The following PIWIL4 variants were observed in gnomAD, a reference collection of about 807,000 sequenced individuals.
The protein encoded by PIWIL4 is piwi like RNA-mediated gene silencing 4, also known as piwi-like protein 4.
PIWIL4 carries 50 observed loss-of-function variants against 100.9 expected under a neutral mutation model. The ratio of observed to expected loss-of-function variants is 0.50; its 90% CI spans 0.39 to 0.63. PIWIL4 has a LOEUF of 0.63. Ranked by LOEUF, PIWIL4 falls within the 20% of genes least tolerant of loss-of-function variation. The pLI, the probability that PIWIL4 is intolerant of heterozygous loss-of-function variation, is 0.00. For missense variants in PIWIL4, 887 were observed against 1,043.3 expected (o/e 0.85, Z 2.06); for synonymous variants, 342 against 367.5 (o/e 0.93, Z 0.79).
chr11:94,605,329 A>G (rs185981994), intron 13 of PIWIL4, among the ~76,000 whole-genome samples: 4 of 152,326 alleles, frequency 2.6e-5, no homozygotes, highest in Admixed American at 6.5e-5. Context: ...AATTTTGAAG[A>G]GTACAGACTA....
chr11:94,617,324 C>T (rs560462756), intron 16 of PIWIL4, among the ~76,000 whole-genome samples: 2 of 150,826 alleles, frequency 1.3e-5, no homozygotes, highest in South Asian at 2.1e-4. Context: ...CCCCTCACAT[C>T]GAAACCTGGT....
Position 94,586,645 on chromosome 11 carries a change from T to TC in PIWIL4, c.717-397dup, listed in dbSNP as rs201885845. Among the ~76,000 whole-genome samples, 476 of 151,734 alleles carry TC rather than the reference T, an allele frequency of 3.1e-3. 2 individuals are homozygous for TC. The highest frequency in any genetic ancestry group is 0.011 in the African/African-American group (445 of 41,282). ...GTTACGGTTTTCAGGCAGGGACATT[T>TC]CCCCCCCCTCTTCAGGGAACATTTT... is the stretch of plus-strand genomic sequence containing the variant. On this transcript the variant is annotated intron_variant, in intron 6 of 19. Transcript: ENST00000299001.
intron 11 of PIWIL4, among the ~76,000 whole-genome samples, chr11:94,601,050 G>A (rs1255248228): frequency 2.7e-5 from 4 of 150,416 alleles, no homozygotes; most frequent in Non-Finnish European, 5.9e-5. Flanking sequence ...TTATCACAAG[G>A]TCCTGAGGCG....
At chr11:94,578,021 C>T (rs145385969) in intron 4 of PIWIL4, among the ~76,000 whole-genome samples, 29 of 152,202 alleles carry the variant, frequency 1.9e-4, no homozygotes, top group African/African-American at 6.5e-4. Flanking sequence ...TCATAATAAG[C>T]GGATGTTACC....
intron 13 of PIWIL4, among the ~76,000 whole-genome samples, chr11:94,607,214 G>A (rs897902831): frequency 4.6e-5 from 7 of 152,166 alleles, no homozygotes; most frequent in Admixed American, 1.3e-4. Context: ...AGTGGGTGGG[G>A]CTTTGCAGAG....
Position 94,618,046 on chromosome 11 carries a change from C to T in PIWIL4, c.2107C>T (p.Leu703Phe). The change falls in exon 17 of 20, where the codon CTT (leucine) becomes TTT (phenylalanine). Residue 703 changes from leucine (L) to phenylalanine (F), a missense_variant. Transcript: ENST00000299001. ...AGVGDGQLKT[L>F]IEYEVPQLLS... ...TGTAGGGGATGGTCAGCTGAAAACACTTATTGAATATGAAGTCCCACAGCT... is the reference window on the plus strand; with the variant it reads ...TGTAGGGGATGGTCAGCTGAAAACATTTATTGAATATGAAGTCCCACAGCT... The T allele has an allele frequency of 6.2e-7, 1 of 1,606,284 alleles. No homozygotes were observed. Among genetic ancestry groups the T allele is most frequent in the Non-Finnish European group, 8.5e-7 (1 of 1,174,900 alleles).
Position 94,575,098 on chromosome 11 carries a change from A to G in PIWIL4, c.266A>G (p.Glu89Gly), listed in dbSNP as rs762967478. ...DFMDLSICTR[E>G]KLAHVRNCKT... ...ATGGATTTGAGTATCTGTACCAGAG[A>G]AAAATTGGCACATGTGAGAAATTGT... The change falls in exon 3 of 20, where the codon GAA becomes GGA. Residue 89 changes from glutamate to glycine, a missense_variant. Coordinates refer to ENST00000299001, the MANE Select transcript of PIWIL4 (RefSeq NM_152431.3). The G allele has an allele frequency of 7.4e-6, 12 of 1,613,560 alleles. No individual in the cohort carries two copies. The African/African-American group carries it at 1.3e-4, about 18-fold the overall frequency.
rs191818008 is a variant in PIWIL4, at chr11:94,617,671, A to G, written c.2015-283A>G. The stretch of plus-strand genomic sequence containing the variant: ...CATTTGTCTATTGCATTAATTTTTA[A>G]TTTATTGCTTAAATATTAAAATTTT... On this transcript the variant is annotated intron_variant, in intron 16 of 19. Transcript: ENST00000299001. 3.0e-3 allele frequency: 1,224 copies of G among 409,680 alleles called. 12 individuals are homozygous for G. The highest frequency in any genetic ancestry group is 0.015 in the Middle Eastern group (24 of 1,646). 25.4% of individuals were successfully genotyped at this position (409,680 alleles called of 1,614,324 possible).
chr11:94,618,486 C>T (rs992077048), intron 17 of PIWIL4, among the ~76,000 whole-genome samples: 3 of 152,174 alleles, frequency 2.0e-5, no homozygotes, highest in Non-Finnish European at 4.4e-5. Context: ...CTAATACACA[C>T]AGAACCAAAG....
chr11:94,620,643 G>A (rs1239588025), intron 19 of PIWIL4, among the ~76,000 whole-genome samples: 2 of 152,154 alleles, frequency 1.3e-5, no homozygotes, highest in East Asian at 3.9e-4. Context: ...TCTGAAGTGT[G>A]ATGGCTCCCT....
chr11:94,582,124 C>T (rs10831243), intron 4 of PIWIL4, among the ~76,000 whole-genome samples: 10 of 151,606 alleles, frequency 6.6e-5, no homozygotes, highest in South Asian at 2.1e-4. Flanking sequence ...AGGTACAAGG[C>T]GGGGCTGAAG....
Position 94,601,993 on chromosome 11 carries a change from GA to G in PIWIL4, c.1565+16del. 6.3e-7 allele frequency: 1 copy of G among 1,591,810 alleles called. No individual in the cohort carries two copies. The highest frequency in any genetic ancestry group is 2.2e-5 in the East Asian group (1 of 44,560). On this transcript the variant is annotated intron_variant, in intron 12 of 19. Coordinates refer to ENST00000299001, the MANE Select transcript of PIWIL4 (RefSeq NM_152431.3). ...CTACCCCAAAATGTGAGAATACATT[GA>G]ATTTTGTTCATATATTAATTTGGTT...
In PIWIL4 at chr11:94,577,384, A is replaced by G; in HGVS notation, c.405A>G (p.Ala135=). Residue 135 remains alanine, a synonymous_variant, in exon 4 of 20, where the codon GCA becomes GCG. Transcript: ENST00000299001. ...QYHVTYIPDL[A]SRRLRIALLY... ...ATGTGACATATATTCCAGATTTAGC[A>G]TCTAGAAGGCTGAGAATTGCTTTAC... 2 of 1,614,080 alleles carry G rather than the reference A, an allele frequency of 1.2e-6. No homozygotes were observed. The highest frequency in any genetic ancestry group is 1.7e-6 in the Non-Finnish European group (2 of 1,179,944).
chr11:94,607,580 A>C lies in PIWIL4; in HGVS notation c.1780A>C (p.Lys594Gln), dbSNP rs776057990. Reference protein sequence around the residue: ...KQGMMMSIATKIAMQMTCKLG... With the variant: ...KQGMMMSIATQIAMQMTCKLG... ...GGGCATGATGATGAGTATCGCCACC[A>C]AGATCGCTATGCAGATGACTTGCAA... Residue 594 changes from lysine to glutamine, a missense_variant, in exon 14 of 20, where the codon AAG (lysine) becomes CAG (glutamine). Lys to Gln is a moderately conservative substitution (Grantham distance 53, BLOSUM62 1). Coordinates refer to ENST00000299001, the MANE Select transcript of PIWIL4 (RefSeq NM_152431.3). The C allele has an allele frequency of 6.2e-6, 10 of 1,613,916 alleles. No individual in the cohort carries two copies. The highest frequency in any genetic ancestry group is 4.5e-5 in the East Asian group (2 of 44,880).
chr11:94,586,652 C>A (rs12574292), intron 6 of PIWIL4, among the ~76,000 whole-genome samples: 34,548 of 152,028 alleles, frequency 0.23, 4,286 homozygotes, highest in East Asian at 0.28. Flanking sequence ...ATTTCCCCCC[C>A]CTCTTCAGGG....
intron 7 of PIWIL4, among the ~76,000 whole-genome samples, chr11:94,588,189 C>T (rs1591786812): frequency 6.6e-6 from 1 of 152,048 alleles, no homozygotes; most frequent in Admixed American, 6.6e-5. Context: ...TCAGCTCCCA[C>T]TTATAAGTGA....
At chr11:94,614,411 G>GCA (rs1361868546) in intron 15 of PIWIL4, among the ~76,000 whole-genome samples, 2 of 149,206 alleles carry the variant, frequency 1.3e-5, no homozygotes, top group Admixed American at 6.8e-5. Context: ...AGGTTCAACT[G>GCA]ATTCTCCTGC....
intron 7 of PIWIL4, among the ~76,000 whole-genome samples, chr11:94,588,553 T>C (rs1341184411): frequency 6.6e-6 from 1 of 152,182 alleles, no homozygotes; most frequent in Non-Finnish European, 1.5e-5. Context: ...TTTCTGCCCC[T>C]AGGCTAGGTC....
chr11:94,611,279 A>G (rs1948784942), intron 15 of PIWIL4, among the ~76,000 whole-genome samples: 1 of 152,186 alleles, frequency 6.6e-6, no homozygotes, highest in Non-Finnish European at 1.5e-5. Flanking sequence ...CCATTTTCTC[A>G]TCATTTGTGA....
Sources: allele counts gnomAD v4.1 joint callset (sites outside exome capture counted in the v4.1 genomes callset), GRCh38; gene constraint gnomAD v4.1.1; transcripts MANE v1.5; gene names NCBI Gene and HGNC (gene_info 2026-07-23, HGNC 2026-07-21).